ELK4: variants seen among roughly 807,000 people sequenced by gnomAD.
ELK4 encodes ETS transcription factor ELK4, also known as ETS domain-containing protein Elk-4.
ELK4 carries 16 observed loss-of-function variants against 29.6 expected under a neutral mutation model. The ratio of observed to expected loss-of-function variants is 0.54; its 90% CI spans 0.37 to 0.82. The LOEUF (loss-of-function observed/expected upper bound fraction) is 0.82, where lower values mean the gene tolerates loss of function less well. ELK4 is among the 40% of genes least tolerant of loss of function. The pLI is 0.00. For synonymous variants in ELK4, 213 were observed against 191.1 expected, an observed-to-expected ratio of 1.11 and a Z score of -0.95; for missense variants, 465 against 507.1, an observed-to-expected ratio of 0.92 and a Z score of 0.80.
intron 1 of ELK4, chr1:205,625,739 C>A: frequency 1.5e-6 from 1 of 687,402 alleles, no homozygotes; most frequent in Non-Finnish European, 2.6e-6. Flanking sequence ...AGTGCAGTGG[C>A]GCAATCTGGG....
At position 205,619,996 on chromosome 1, in the gene ELK4, T is replaced by C; in HGVS notation, c.1050A>G (p.Thr350=). ...AAAAAAATGCTGGTGTAAGAGAAGC[T>C]GTAGGGAGAGATGGGCTCAGTATTC... is the stretch of plus-strand genomic sequence containing the variant. ...PLGILSPSLP[T]ASLTPAFFSQ... Residue 350 remains threonine (T), a synonymous_variant, in exon 3 of 5, where the codon ACA becomes ACG. Coordinates refer to ENST00000357992, the MANE Select transcript of ELK4 (RefSeq NM_001973.4). 1 of 1,614,228 alleles carries C rather than the reference T, an allele frequency of 6.2e-7. No homozygotes were observed. Among genetic ancestry groups the C allele is most frequent in the Non-Finnish European group, 8.5e-7 (1 of 1,180,038 alleles).
At chr1:205,619,181 C>T in intron 3 of ELK4, 108 bp from the exon 4 acceptor site, 1 of 1,173,380 alleles carries the variant, frequency 8.5e-7, no homozygotes, top group Non-Finnish European at 1.1e-6. Context: ...TCCTCCACTC[C>T]AAATATCTCC....
In ELK4 at chr1:205,623,868, G is replaced by A; in HGVS notation, c.15C>T (p.Ile5=). The A allele has an allele frequency of 1.2e-6, 2 of 1,614,082 alleles. No individual in the cohort carries two copies. Among genetic ancestry groups the A allele is most frequent in the Non-Finnish European group, 8.5e-7 (1 of 1,179,932 alleles). The change falls in exon 2 of 5, where the codon ATC becomes ATT. Residue 5 remains isoleucine, a synonymous_variant. Coordinates refer to ENST00000357992, the MANE Select transcript of ELK4 (RefSeq NM_001973.4). Reference sequence around the variant, plus strand: ...GCTGAAGAAGGAACTGCCACAGGGTGATAGCACTGTCCATAGCAATGAGCT... The same window carrying A: ...GCTGAAGAAGGAACTGCCACAGGGTAATAGCACTGTCCATAGCAATGAGCT... MDSA[I]TLWQFLLQLL... is the part of the protein sequence containing the mutation.
rs916170407 is a variant in ELK4 at position 205,611,304 on chromosome 1, T to C, written c.*5242A>G. On this transcript the variant is annotated 3_prime_UTR_variant, in exon 5 of 5. Transcript: ENST00000357992. ...GGCTTACAGGTCAAAACATGACTTG[T>C]ATAGTAACAGGTTCCACCAAGTACA... 1 of 209,888 alleles carries C rather than the reference T, an allele frequency of 4.8e-6. No homozygotes were observed. The highest frequency in any genetic ancestry group is 2.3e-5 in the African/African-American group (1 of 44,084). 13.0% of individuals were successfully genotyped at this position (209,888 alleles called of 1,614,324 possible).
At chr1:205,624,019 T>G in intron 1 of ELK4, 128 bp from the exon 2 acceptor site, 1 of 802,002 alleles carries the variant, frequency 1.2e-6, no homozygotes, top group South Asian at 1.8e-5. Context: ...AGGTAGATAC[T>G]ACTGCATCCT....
intron 2 of ELK4, 108 bp from the exon 3 acceptor site, chr1:205,620,946 C>A (rs897746596): frequency 7.1e-6 from 9 of 1,275,146 alleles, no homozygotes; most frequent in Non-Finnish European, 9.5e-6. Flanking sequence ...CCTGTAATCC[C>A]AGCACTTTGG....
In ELK4 at chr1:205,619,076, G is replaced by A. The variant is rs1198559661; in HGVS notation, c.1081-3C>T. The stretch of plus-strand genomic sequence containing the variant: ...CTTGGAGTCAGTATGATGGGTGTCT[G>A]CAATACACAAAGCAAAAATATTCAC... On this transcript the variant is annotated splice_polypyrimidine_tract_variant and splice_region_variant and intron_variant, in intron 3 of 4. Coordinates refer to ENST00000357992, the MANE Select transcript of ELK4 (RefSeq NM_001973.4). The A allele has an allele frequency of 5.8e-6, 9 of 1,541,226 alleles. No homozygotes were observed. The highest frequency in any genetic ancestry group is 7.9e-6 in the Non-Finnish European group (9 of 1,145,110).
intron 1 of ELK4, among the ~76,000 whole-genome samples, chr1:205,627,709 A>G (rs994629731): frequency 6.6e-6 from 1 of 152,206 alleles, no homozygotes; most frequent in East Asian, 1.9e-4. Flanking sequence ...TAACTCACAG[A>G]AGATGGGATT....
At chr1:205,619,677 C>A in intron 3 of ELK4, 2 of 1,390,200 alleles carry the variant, frequency 1.4e-6, no homozygotes, top group South Asian at 1.8e-5. Context: ...TTTATAAGAC[C>A]GAGAGAGAGC....
chr1:205,625,579 T>C lies in ELK4; in HGVS notation c.-9-1688A>G, dbSNP rs182320619. ...AAATACCCGGACCGGGTGCCGGTGATAGTAGAAAAGGCTCCCAAAGCTCGG... is the reference window on the plus strand; with the variant it reads ...AAATACCCGGACCGGGTGCCGGTGACAGTAGAAAAGGCTCCCAAAGCTCGG... On this transcript the variant is annotated intron_variant, in intron 1 of 4. Coordinates refer to ENST00000357992, the MANE Select transcript of ELK4 (RefSeq NM_001973.4). 27 of 1,097,224 alleles carry C rather than the reference T, an allele frequency of 2.5e-5. No homozygotes were observed. The African/African-American group carries it at 3.4e-4, about 14-fold the overall frequency. The allele number at this position is 1,097,224 out of a possible 1,614,324, so 68.0% of individuals were successfully genotyped here. A position where few individuals can be genotyped will look rare whatever the true frequency, so the allele number is the denominator to read the frequency against.
rs765522712 is a variant in ELK4, at chr1:205,620,064, C to T, written c.982G>A (p.Ala328Thr). Residue 328 changes from alanine to threonine, a missense_variant, in exon 3 of 5, where the codon GCA (alanine) becomes ACA (threonine). By Grantham distance (58) the Ala-to-Thr change is moderately conservative. Coordinates refer to ENST00000357992, the MANE Select transcript of ELK4 (RefSeq NM_001973.4). ...RSKKPKGLEL[A>T]PTLVITSSDP... ...CTGCTCGTGATCACAAGGGTGGGTG[C>T]CAGTTCTAACCCTTTGGGTTTCTTG... 7.4e-6 allele frequency: 12 copies of T among 1,614,094 alleles called. No individual in the cohort carries two copies. Among genetic ancestry groups the T allele is most frequent in the Admixed American group, 1.7e-5 (1 of 60,002 alleles).
chr1:205,619,617 GT>G, intron 3 of ELK4: 1 of 1,302,102 alleles, frequency 7.7e-7, no homozygotes, highest in Non-Finnish European at 9.7e-7. Context: ...AGGACCTACT[GT>G]TTTCTAACTT....
chr1:205,619,901 T>C (rs745838320), intron 3 of ELK4, 65 bp downstream of exon 3: 11 of 1,614,196 alleles, frequency 6.8e-6, no homozygotes, highest in Non-Finnish European at 8.5e-6. Flanking sequence ...GTATAAATTC[T>C]GGATTTGCTT....
chr1:205,629,970 G>A (rs1481532902), intron 1 of ELK4, among the ~76,000 whole-genome samples: 3 of 151,856 alleles, frequency 2.0e-5, no homozygotes, highest in Non-Finnish European at 4.4e-5. Flanking sequence ...GGGAGATGGA[G>A]GTTGCAGTGA....
intron 1 of ELK4, chr1:205,625,480 A>G (rs1670434685): frequency 1.5e-6 from 1 of 687,606 alleles, no homozygotes; most frequent in Non-Finnish European, 2.7e-6. Context: ...GGTTCCCAAC[A>G]GGATGAAATT....
In ELK4 at chr1:205,609,340, A is replaced by G. The variant is rs1670120387; in HGVS notation, c.*7206T>C. On this transcript the variant is annotated 3_prime_UTR_variant, in exon 5 of 5. Transcript: ENST00000357992. ...CCTCAAACTAAAGCTAACCAGTAGC[A>G]AAATGACTGGACTGAATTTCATATT... 1 of 190,928 alleles carries G rather than the reference A, an allele frequency of 5.2e-6. No homozygotes were observed. 11.8% of individuals were successfully genotyped at this position (190,928 alleles called of 1,614,324 possible).
At chr1:205,624,501 A>G (rs1041209232) in intron 1 of ELK4, among the ~76,000 whole-genome samples, 7 of 152,234 alleles carry the variant, frequency 4.6e-5, no homozygotes, top group Non-Finnish European at 7.3e-5. Flanking sequence ...TTTTGAATTC[A>G]GCAAAGTGTT....
intron 1 of ELK4, 57 bp from the exon 2 acceptor site, chr1:205,623,948 C>T: frequency 6.7e-7 from 1 of 1,485,132 alleles, no homozygotes; most frequent in Non-Finnish European, 9.4e-7. Context: ...CTATTTAACA[C>T]TGTATGTCAT....
intron 1 of ELK4, chr1:205,625,613 C>A: frequency 1.6e-6 from 2 of 1,234,410 alleles, no homozygotes; most frequent in South Asian, 2.4e-5. Flanking sequence ...GGATAGGAGA[C>A]CTGGACCAAA....
Sources: gnomAD v4.1 joint callset for allele counts (sites outside exome capture counted in the v4.1 genomes callset) on GRCh38, gnomAD v4.1.1 for gene constraint, MANE v1.5 for transcripts, NCBI Gene and HGNC (gene_info 2026-07-23, HGNC 2026-07-21) for gene names.